The following ATP6V1H variants were observed in gnomAD, a reference collection of about 807,000 sequenced individuals.
The protein encoded by ATP6V1H is ATPase H+ transporting V1 subunit H, also known as V-type proton ATPase subunit H.
In ATP6V1H, 39 loss-of-function variants were observed where a neutral mutation model predicts 71.7. The observed-to-expected ratio is 0.54, with a 90% CI of 0.42 to 0.71. The LOEUF is 0.71. Among genes scored for constraint, ATP6V1H ranks in the 30% least tolerant of loss-of-function variants. The probability of loss-of-function intolerance (pLI) is 0.00; values close to 1 mark genes in which losing one functional copy is unlikely to be tolerated. For missense variants in ATP6V1H, 509 were observed against 594.9 expected (o/e 0.86, Z 1.50); for synonymous variants, 192 against 199.3 (o/e 0.96, Z 0.31).
At chr8:53,777,988 A>G (rs1364474898) in intron 9 of ATP6V1H, among the ~76,000 whole-genome samples, 2 of 152,248 alleles carry the variant, frequency 1.3e-5, no homozygotes, top group Middle Eastern at 6.3e-3. Context: ...GAGACTGCTT[A>G]AAGCACAAAA....
intron 8 of ATP6V1H, among the ~76,000 whole-genome samples, chr8:53,796,932 A>T (rs989979917): frequency 1.3e-5 from 2 of 152,196 alleles, no homozygotes; most frequent in African/African-American, 2.4e-5. Flanking sequence ...CATTTGTATG[A>T]TTTGTATATA....
At chr8:53,796,794 T>C (rs1172008646) in intron 8 of ATP6V1H, among the ~76,000 whole-genome samples, 1 of 152,220 alleles carries the variant, frequency 6.6e-6, no homozygotes, top group East Asian at 1.9e-4. Flanking sequence ...ATGGAAACTC[T>C]CTGCACTTTT....
intron 2 of ATP6V1H, chr8:53,833,309 A>G (rs918551466): frequency 2.2e-5 from 11 of 492,828 alleles, no homozygotes; most frequent in Non-Finnish European, 3.3e-5. Flanking sequence ...AATGCGAACA[A>G]TAATCGCATT....
chr8:53,802,451 G>A (rs1356678217), intron 7 of ATP6V1H, among the ~76,000 whole-genome samples: 1 of 152,192 alleles, frequency 6.6e-6, no homozygotes, highest in Non-Finnish European at 1.5e-5. Flanking sequence ...ATGCACAGTG[G>A]TTCATGCCTG....
intron 7 of ATP6V1H, among the ~76,000 whole-genome samples, chr8:53,808,291 C>A (rs894633573): frequency 2.0e-5 from 3 of 152,198 alleles, no homozygotes; most frequent in African/African-American, 7.2e-5. Flanking sequence ...GGCATCAGCA[C>A]AGCAATCCAC....
intron 5 of ATP6V1H, among the ~76,000 whole-genome samples, chr8:53,816,657 G>A (rs546834523): frequency 1.6e-4 from 24 of 152,192 alleles, no homozygotes; most frequent in African/African-American, 4.6e-4. Flanking sequence ...TTAGATGGGC[G>A]TGGTGGCGCA....
intron 2 of ATP6V1H, among the ~76,000 whole-genome samples, chr8:53,840,601 T>C (rs533702425): frequency 1.3e-5 from 2 of 152,306 alleles, no homozygotes; most frequent in South Asian, 4.2e-4. Flanking sequence ...GGAATTTTTG[T>C]AGCCTCAAAG....
chr8:53,718,854 A>G (rs1423729639), intron 13 of ATP6V1H, among the ~76,000 whole-genome samples: 1 of 152,216 alleles, frequency 6.6e-6, no homozygotes, highest in Non-Finnish European at 1.5e-5. Context: ...TATAGATGAA[A>G]AAGGGTCCAA....
At chr8:53,765,451 AACAACACACACACACACACAC>A (rs1233384411) in intron 11 of ATP6V1H, among the ~76,000 whole-genome samples, 9 of 93,140 alleles carry the variant, frequency 9.7e-5, no homozygotes, top group South Asian at 9.2e-4. Context: ...CAACAACAAC[AACAACACACACACACACACAC>A]ACACACACAC....
Position 53,841,659 on chromosome 8 carries a change from T to G in ATP6V1H, c.32A>C (p.Asp11Ala). 1 of 1,614,066 alleles carries G rather than the reference T, an allele frequency of 6.2e-7. No individual in the cohort carries two copies. Among genetic ancestry groups the G allele is most frequent in the South Asian group, 1.1e-5 (1 of 91,074 alleles). Residue 11 changes from aspartate to alanine, a missense_variant, in exon 2 of 14, where the codon GAT (aspartate) becomes GCT (alanine). Physicochemically the swap from Asp to Ala is moderately radical, Grantham distance 126. Coordinates refer to ENST00000359530, the MANE Select transcript of ATP6V1H (RefSeq NM_015941.4). The stretch of plus-strand genomic sequence containing the variant: ...AATAATATTGGTGGGGACAGCAGCA[T>G]CCACAGCACCTCGGATATCCATTTT... MTKMDIRGAV[D>A]AAVPTNIIAA...
At chr8:53,824,015 A>G (rs1810746143) in intron 4 of ATP6V1H, among the ~76,000 whole-genome samples, 2 of 152,090 alleles carry the variant, frequency 1.3e-5, no homozygotes, top group South Asian at 2.1e-4. Context: ...AAAAGCAGAA[A>G]GCACAAATAA....
In ATP6V1H at chr8:53,787,805, C is replaced by G. The variant is rs377750424; in HGVS notation, c.870+7842G>C. Among the ~76,000 whole-genome samples the G allele has an allele frequency of 5.3e-5, 8 of 152,252 alleles. No homozygotes were observed. The East Asian group carries it at 7.7e-4, about 15-fold the overall frequency. ...GTAATATATGCAGAGACCTGGAGTA[C>G]AGCATGCACTATGAATAAGTGAGAT... On this transcript the variant is annotated intron_variant, in intron 9 of 13. Coordinates refer to ENST00000359530, the MANE Select transcript of ATP6V1H (RefSeq NM_015941.4).
chr8:53,813,827 C>G (rs1563478594), intron 6 of ATP6V1H, among the ~76,000 whole-genome samples: 1 of 152,168 alleles, frequency 6.6e-6, no homozygotes, highest in African/African-American at 2.4e-5. Context: ...CCAACATGAC[C>G]AGTAGGTTCG....
chr8:53,822,976 T>C lies in ATP6V1H; in HGVS notation c.307-5446A>G, dbSNP rs540423148. Among the ~76,000 whole-genome samples the C allele has an allele frequency of 2.4e-3, 360 of 152,170 alleles. 2 individuals carry two copies. The highest frequency in any genetic ancestry group is 8.3e-3 in the African/African-American group (343 of 41,536). On this transcript the variant is annotated intron_variant, in intron 4 of 13. Transcript: ENST00000359530. ...ATATGCACCAAATACAGCATCCACC[T>C]TTATAAAGTGAAAAGTACAAAAGAT...
intron 4 of ATP6V1H, among the ~76,000 whole-genome samples, chr8:53,823,373 G>A (rs1176816095): frequency 1.3e-5 from 2 of 152,168 alleles, no homozygotes; most frequent in African/African-American, 4.8e-5. Context: ...CTCTGTGAAA[G>A]GGAACGCAGA....
At chr8:53,755,710 A>AATTTT (rs1808004759) in intron 12 of ATP6V1H, among the ~76,000 whole-genome samples, 2 of 10,428 alleles carry the variant, frequency 1.9e-4, no homozygotes, top group Non-Finnish European at 4.4e-4. Context: ...ATATATATAT[A>AATTTT]TATATATATA....
chr8:53,781,330 A>G (rs980611238), intron 9 of ATP6V1H, among the ~76,000 whole-genome samples: 2 of 152,198 alleles, frequency 1.3e-5, no homozygotes, highest in Non-Finnish European at 1.5e-5. Flanking sequence ...ATGGCTGCAT[A>G]AATGTCTTCT....
At position 53,831,000 on chromosome 8, in the gene ATP6V1H, G is replaced by A. The variant is rs187200168; in HGVS notation, c.217-1467C>T. Among the ~76,000 whole-genome samples the A allele has an allele frequency of 2.0e-5, 3 of 152,212 alleles. No individual in the cohort carries two copies. In the East Asian group the frequency reaches 5.8e-4, roughly 29 times the overall value. ...CATCGCACAACTTAAACTTCAATAT[G>A]GCAAAGACCCCATAAACCAAGTTAA... On this transcript the variant is annotated intron_variant, in intron 3 of 13. Transcript: ENST00000359530.
intron 8 of ATP6V1H, among the ~76,000 whole-genome samples, chr8:53,797,196 G>GT (rs1360850938): frequency 6.6e-6 from 1 of 152,142 alleles, no homozygotes; most frequent in East Asian, 1.9e-4. Context: ...CCACATTTCT[G>GT]TTCTACCAGT....
Sources: allele counts gnomAD v4.1 joint callset (sites outside exome capture counted in the v4.1 genomes callset), GRCh38; gene constraint gnomAD v4.1.1; transcripts MANE v1.5; gene names NCBI Gene and HGNC (gene_info 2026-07-23, HGNC 2026-07-21).